The following MICU2 variants were observed in gnomAD, a reference collection of about 807,000 sequenced individuals.
MICU2 encodes mitochondrial calcium uptake 2.
In MICU2, 64 loss-of-function variants were observed where a neutral mutation model predicts 60.4. That is an observed-to-expected ratio of 1.06 (90% CI 0.87 to 1.31). The LOEUF (loss-of-function observed/expected upper bound fraction) is 1.31. Among genes scored for constraint, MICU2 ranks in the 50% most tolerant of loss-of-function variants. The probability of loss-of-function intolerance (pLI) is 0.00; values close to 1 mark genes in which losing one functional copy is unlikely to be tolerated. For synonymous variants in MICU2, 201 were observed against 175.0 expected, an observed-to-expected ratio of 1.15 and a Z score of -1.17; for missense variants, 569 against 531.0, an observed-to-expected ratio of 1.07 and a Z score of -0.70.
intron 6 of MICU2, among the ~76,000 whole-genome samples, chr13:21,519,903 T>C (rs1021589498): frequency 6.6e-6 from 1 of 152,220 alleles, no homozygotes; most frequent in Admixed American, 6.5e-5. Flanking sequence ...TTCAGGATCA[T>C]GCACCGGATG....
At chr13:21,507,450 A>C (rs1332266427) in intron 8 of MICU2, among the ~76,000 whole-genome samples, 5 of 152,158 alleles carry the variant, frequency 3.3e-5, no homozygotes, top group Non-Finnish European at 7.3e-5. Context: ...TTGGAACGTT[A>C]AAAAACATTG....
rs1029844663 is a variant in MICU2, at chr13:21,585,453, T to C, written c.210+18486A>G. 3.9e-5 allele frequency among the ~76,000 whole-genome samples: 6 copies of C among 152,218 alleles called. No homozygotes were observed. In the East Asian group the frequency reaches 5.8e-4, roughly 15 times the overall value. On this transcript the variant is annotated intron_variant, in intron 1 of 11. Transcript: ENST00000382374. ...TTTACATGTACTGTCATTAAACCAA[T>C]GCACTGCACACAAATATACTAGCAG...
At chr13:21,506,314 C>T (rs866808761) in intron 8 of MICU2, among the ~76,000 whole-genome samples, 2 of 152,340 alleles carry the variant, frequency 1.3e-5, no homozygotes, top group Middle Eastern at 3.4e-3. Flanking sequence ...CCGCGCCCAG[C>T]TCCAGACTCC....
At chr13:21,579,277 A>G (rs1888292668) in intron 1 of MICU2, among the ~76,000 whole-genome samples, 1 of 152,176 alleles carries the variant, frequency 6.6e-6, no homozygotes, top group African/African-American at 2.4e-5. Flanking sequence ...ATACAAAAAT[A>G]AAGTAATACA....
chr13:21,512,448 T>TTG (rs1886454811), intron 7 of MICU2, among the ~76,000 whole-genome samples: 1 of 145,258 alleles, frequency 6.9e-6, no homozygotes, highest in Non-Finnish European at 1.5e-5. Flanking sequence ...ATTTTTAATT[T>TTG]TTTTTTTTTT....
At chr13:21,505,366 G>C (rs1886267804) in intron 8 of MICU2, among the ~76,000 whole-genome samples, 1 of 152,106 alleles carries the variant, frequency 6.6e-6, no homozygotes, top group Non-Finnish European at 1.5e-5. Context: ...ATGCCATCAG[G>C]AGCTGCCTGA....
intron 2 of MICU2, among the ~76,000 whole-genome samples, chr13:21,549,753 C>G (rs1887506401): frequency 6.6e-6 from 1 of 152,160 alleles, no homozygotes; most frequent in Admixed American, 6.5e-5. Flanking sequence ...CCCAGTTCAG[C>G]AACTGTGCAA....
At chr13:21,505,316 AAC>A (rs900269825) in intron 8 of MICU2, among the ~76,000 whole-genome samples, 1 of 152,164 alleles carries the variant, frequency 6.6e-6, no homozygotes, top group Admixed American at 6.5e-5. Context: ...AGACCAGAAA[AAC>A]ACAACAAAAT....
rs186290759 is a variant in MICU2 at position 21,597,322 on chromosome 13, C to T, written c.210+6617G>A. Among the ~76,000 whole-genome samples the T allele has an allele frequency of 7.1e-4, 108 of 152,202 alleles. 1 individual carries two copies. Among genetic ancestry groups the T allele is most frequent in the Admixed American group, 2.1e-3 (32 of 15,294 alleles). ...GAAGTCTCTTATTTACTTATGTTTT[C>T]TAATGGGAATATGGGATGACATGTC... is the stretch of plus-strand genomic sequence containing the variant. On this transcript the variant is annotated intron_variant, in intron 1 of 11. Coordinates refer to ENST00000382374, the MANE Select transcript of MICU2 (RefSeq NM_152726.3).
chr13:21,531,387 T>C (rs1886995835), intron 4 of MICU2: 2 of 1,121,980 alleles, frequency 1.8e-6, no homozygotes, highest in Non-Finnish European at 2.6e-6. Flanking sequence ...CTGCAGGAGT[T>C]TAAAACGAGA....
At chr13:21,585,594 G>A (rs1400224493) in intron 1 of MICU2, among the ~76,000 whole-genome samples, 2 of 152,066 alleles carry the variant, frequency 1.3e-5, no homozygotes, top group Admixed American at 6.5e-5. Context: ...TGAAATAAAA[G>A]AAAACAATGC....
intron 1 of MICU2, among the ~76,000 whole-genome samples, chr13:21,584,154 C>T (rs1255951332): frequency 6.6e-6 from 1 of 152,138 alleles, no homozygotes; most frequent in African/African-American, 2.4e-5. Context: ...TTTTGGGAGG[C>T]TGGGGCGGGT....
At chr13:21,552,044 C>T (rs928998159) in intron 2 of MICU2, among the ~76,000 whole-genome samples, 1 of 152,014 alleles carries the variant, frequency 6.6e-6, no homozygotes, top group African/African-American at 2.4e-5. Flanking sequence ...GTTTACAGTC[C>T]CACCAACAGT....
chr13:21,554,771 C>T (rs868308824), intron 2 of MICU2, among the ~76,000 whole-genome samples: 2 of 152,042 alleles, frequency 1.3e-5, no homozygotes, highest in Non-Finnish European at 2.9e-5. Context: ...AATTGATAGA[C>T]CGCTAGCAAG....
At chr13:21,495,525 GTAATT>G in intron 10 of MICU2, 1 of 503,848 alleles carries the variant, frequency 2.0e-6, no homozygotes, top group Middle Eastern at 5.3e-4. Flanking sequence ...ATGAGCTATT[GTAATT>G]TAATCAATGC....
At chr13:21,506,996 C>A (rs1040808849) in intron 8 of MICU2, among the ~76,000 whole-genome samples, 1 of 152,090 alleles carries the variant, frequency 6.6e-6, no homozygotes, top group Non-Finnish European at 1.5e-5. Context: ...TTATTAGAAG[C>A]CATTTTCTGT....
At chr13:21,578,408 G>A (rs1888274551) in intron 1 of MICU2, among the ~76,000 whole-genome samples, 1 of 152,142 alleles carries the variant, frequency 6.6e-6, no homozygotes, top group Non-Finnish European at 1.5e-5. Flanking sequence ...GGAACACAGG[G>A]AGACCCCATC....
chr13:21,531,111 CCCTA>C, intron 4 of MICU2: 1 of 946,420 alleles, frequency 1.1e-6, no homozygotes, highest in South Asian at 1.3e-5. Flanking sequence ...GCATAGTTCC[CCCTA>C]CCTAATTGCC....
At chr13:21,582,680 C>T (rs1040631567) in intron 1 of MICU2, among the ~76,000 whole-genome samples, 1 of 152,208 alleles carries the variant, frequency 6.6e-6, no homozygotes, top group African/African-American at 2.4e-5. Flanking sequence ...TCCACACTGA[C>T]TCATTCCAAT....
Sources: allele counts gnomAD v4.1 joint callset (sites outside exome capture counted in the v4.1 genomes callset), GRCh38; gene constraint gnomAD v4.1.1; transcripts MANE v1.5; gene names NCBI Gene and HGNC (gene_info 2026-07-23, HGNC 2026-07-21).